Variants in PPP4R1 observed in about 807,000 individuals in gnomAD.
PPP4R1 encodes serine/threonine-protein phosphatase 4 regulatory subunit 1.
A neutral mutation model predicts 111.2 loss-of-function variants in PPP4R1; 42 were observed. That is an observed-to-expected ratio of 0.38 (90% CI 0.29 to 0.49). PPP4R1 has a LOEUF of 0.49. PPP4R1 is among the 20% of genes least tolerant of loss of function. The pLI is 0.97. For synonymous variants in PPP4R1, 409 were observed against 405.5 expected (o/e 1.01, Z -0.10); for missense variants, 1,012 against 1,161.6 (o/e 0.87, Z 1.87).
rs1405944395 is a variant in PPP4R1 at position 9,595,004 on chromosome 18, G to T, written c.188+14C>A. 1 of 1,611,094 alleles carries T rather than the reference G, an allele frequency of 6.2e-7. No individual in the cohort carries two copies. The highest frequency in any genetic ancestry group is 8.5e-7 in the Non-Finnish European group (1 of 1,178,680). Reference sequence around the variant, plus strand: ...CCTTCCACTTCCACTTTAACAAAAAGAATATGCACATACCTGTTAAATATG... The same window carrying T: ...CCTTCCACTTCCACTTTAACAAAAATAATATGCACATACCTGTTAAATATG... On this transcript the variant is annotated intron_variant, in intron 3 of 19. Transcript: ENST00000400556.
chr18:9,582,866 C>A (rs2067052755), intron 9 of PPP4R1, among the ~76,000 whole-genome samples: 1 of 152,102 alleles, frequency 6.6e-6, no homozygotes, highest in South Asian at 2.1e-4. Context: ...GGTTTAACAT[C>A]TAAAAATTAA....
Position 9,614,331 on chromosome 18 carries a change from C to T in PPP4R1, c.8-61G>A, listed in dbSNP as rs939042907. On this transcript the variant is annotated intron_variant, in intron 1 of 19. Coordinates refer to ENST00000400556, the MANE Select transcript of PPP4R1 (RefSeq NM_001042388.3). This position sits in a 1 kb window ranked among gnomAD's most constrained non-coding sequence, Gnocchi z 4.1. ...GCCCCGGGGCCCGGCGCGACGCCCCCCCCCCGCCCGCCTCCCCCCCGCCCC... is the reference window on the plus strand; with the variant it reads ...GCCCCGGGGCCCGGCGCGACGCCCCTCCCCCGCCCGCCTCCCCCCCGCCCC... 4 of 1,105,328 alleles carry T rather than the reference C, an allele frequency of 3.6e-6. No homozygotes were observed. Among genetic ancestry groups the T allele is most frequent in the South Asian group, 4.0e-5 (1 of 25,038 alleles). 68.5% of individuals were successfully genotyped at this position (1,105,328 alleles called of 1,614,324 possible). A position where few individuals can be genotyped will look rare whatever the true frequency, so the allele number is the denominator to read the frequency against.
intron 2 of PPP4R1, among the ~76,000 whole-genome samples, chr18:9,607,360 C>CAAA (rs34996836): frequency 7.2e-6 from 1 of 138,986 alleles, no homozygotes; most frequent in Non-Finnish European, 1.6e-5. Flanking sequence ...GACCCTGTCT[C>CAAA]AAAAAAAAAA....
Position 9,570,332 on chromosome 18 carries a change from T to C in PPP4R1, c.1398A>G (p.Ile466Met), listed in dbSNP as rs768007492. 4 of 1,611,478 alleles carry C rather than the reference T, an allele frequency of 2.5e-6. No homozygotes were observed. In the South Asian group the frequency reaches 4.4e-5, roughly 18 times the overall value. The change falls in exon 11 of 20, where the codon ATA (isoleucine) becomes ATG (methionine). Residue 466 changes from isoleucine (I) to methionine (M), a missense_variant. Ile to Met is a conservative substitution (Grantham distance 10, BLOSUM62 1). Transcript: ENST00000400556. Reference protein sequence around the residue: ...FHFWRTPLPEIDLDIELEQNS... With the variant: ...FHFWRTPLPEMDLDIELEQNS... ...TCTGTTCAAGCTCTATGTCTAGATC[T>C]ATTTCAGGAAGAGGAGTCCTCCAGA...
intron 12 of PPP4R1, 56 bp downstream of exon 12, chr18:9,563,322 A>G: frequency 2.7e-6 from 4 of 1,488,786 alleles, no homozygotes; most frequent in Non-Finnish European, 2.7e-6. Context: ...TTCCCCAATG[A>G]AAGACTTCTG....
At chr18:9,581,600 T>C (rs940858730) in intron 9 of PPP4R1, among the ~76,000 whole-genome samples, 4 of 152,032 alleles carry the variant, frequency 2.6e-5, no homozygotes, top group African/African-American at 9.7e-5. Flanking sequence ...TTAAGCACAT[T>C]TAACATATAC....
At position 9,614,076 on chromosome 18, in the gene PPP4R1, T is replaced by C. The variant is rs1368788868; in HGVS notation, c.52+150A>G. The C allele has an allele frequency of 2.7e-4, 157 of 574,512 alleles. No individual in the cohort carries two copies. Among genetic ancestry groups the C allele is most frequent in the Non-Finnish European group, 2.5e-4 (104 of 410,424 alleles). The allele number at this position is 574,512 out of a possible 1,614,324, so 35.6% of individuals were successfully genotyped here. A position where few individuals can be genotyped will look rare whatever the true frequency, so the allele number is the denominator to read the frequency against. On this transcript the variant is annotated intron_variant, in intron 2 of 19. Transcript: ENST00000400556. The surrounding 1 kb of genome is among the most constrained non-coding windows in gnomAD (Gnocchi z 4.1). ...CCGTTTCCTCACGGACGCGAGATTT[T>C]CCCCCCCGATCGCCACCCCAGCCCG...
chr18:9,602,775 C>CCT (rs2067411641), intron 2 of PPP4R1, among the ~76,000 whole-genome samples: 1 of 147,496 alleles, frequency 6.8e-6, no homozygotes, highest in Non-Finnish European at 1.5e-5. Context: ...GAGCTGAAAT[C>CCT]GCGCCACTGC....
chr18:9,548,968 C>T (rs7234274), intron 19 of PPP4R1, among the ~76,000 whole-genome samples: 13,501 of 152,316 alleles, frequency 0.089, 687 homozygotes, highest in Non-Finnish European at 0.12. Context: ...AAAAATGATA[C>T]ATGCTTCCGA....
intron 10 of PPP4R1, among the ~76,000 whole-genome samples, chr18:9,571,099 A>G (rs1459385746): frequency 6.6e-6 from 1 of 152,228 alleles, no homozygotes; most frequent in African/African-American, 2.4e-5. Flanking sequence ...TACTCCAACG[A>G]CATATTGCAA....
rs900056554 is a variant in PPP4R1 at position 9,593,889 on chromosome 18, C to A, written c.189-15G>T. On this transcript the variant is annotated splice_polypyrimidine_tract_variant and intron_variant, in intron 3 of 19. Transcript: ENST00000400556. The stretch of plus-strand genomic sequence containing the variant: ...CCACCATTTGTCTACACAAAAAAAA[C>A]AAAATTATGTATGTTCAATGGCATC... 1.3e-6 allele frequency: 2 copies of A among 1,586,446 alleles called. No individual in the cohort carries two copies. The highest frequency in any genetic ancestry group is 1.7e-6 in the Non-Finnish European group (2 of 1,156,600).
chr18:9,547,843 A>G lies in PPP4R1; in HGVS notation c.2799T>C (p.Pro933=). 6.2e-7 allele frequency: 1 copy of G among 1,613,634 alleles called. No homozygotes were observed. The highest frequency in any genetic ancestry group is 1.3e-5 in the African/African-American group (1 of 75,022). ...SDVKYFASIH[P]ASTKISEDAM... ...CATCTTCGGAGATTTTGGTACTGGCAGGGTGGATGCTTGCAAAATACTTGA... is the reference window on the plus strand; with the variant it reads ...CATCTTCGGAGATTTTGGTACTGGCGGGGTGGATGCTTGCAAAATACTTGA... The change falls in exon 20 of 20, where the codon CCT becomes CCC. Residue 933 remains proline (P), a synonymous_variant. Coordinates refer to ENST00000400556, the MANE Select transcript of PPP4R1 (RefSeq NM_001042388.3).
intron 15 of PPP4R1, among the ~76,000 whole-genome samples, chr18:9,556,092 C>T (rs190874344): frequency 0.029 from 4,344 of 150,958 alleles, 72 homozygotes; most frequent in Middle Eastern, 0.038. Context: ...ACCTGGGAGG[C>T]GGAGGTTGCA....
chr18:9,600,196 CA>C (rs57840721), intron 2 of PPP4R1, among the ~76,000 whole-genome samples: 1,827 of 108,912 alleles, frequency 0.017, 13 homozygotes, highest in Admixed American at 0.022. Context: ...TTCTATTTCC[CA>C]AAAAAAAAAA....
At position 9,588,216 on chromosome 18, in the gene PPP4R1, G is replaced by A. The variant is rs750226179; in HGVS notation, c.458C>T (p.Ala153Val). Residue 153 changes from alanine to valine, a missense_variant, in exon 6 of 20, where the codon GCA (alanine) becomes GTA (valine). Ala to Val is a moderately conservative substitution (Grantham distance 64, BLOSUM62 0). Transcript: ENST00000400556. ...CTGCTCCAACAGAGCCAGCAAAGCTGCCTGACTTGTTTTCCTCACCTAGGA... is the reference window on the plus strand; with the variant it reads ...CTGCTCCAACAGAGCCAGCAAAGCTACCTGACTTGTTTTCCTCACCTAGGA... ...QNNQVRKTSQAALLALLEQEL... is the reference protein window; with the variant it reads ...QNNQVRKTSQVALLALLEQEL... The A allele has an allele frequency of 1.7e-5, 28 of 1,613,914 alleles. No individual in the cohort carries two copies. Among genetic ancestry groups the A allele is most frequent in the Non-Finnish European group, 2.4e-5 (28 of 1,179,898 alleles).
chr18:9,588,743 CA>C lies in PPP4R1; in HGVS notation c.405del (p.Ile135MetfsTer13), dbSNP rs2067161775. ...PYAFSKFLLP[I>X]VVRYLADQNN... ...TTCTGATCTGCAAGGTATCTAACCA[CA>C]ATAGGTAGTAAGAATTTTGAAAAAG... On this transcript the variant is annotated frameshift_variant, in exon 5 of 20. Transcript: ENST00000400556. LOFTEE classifies it high-confidence loss of function. The C allele has an allele frequency of 6.2e-7, 1 of 1,613,068 alleles. No homozygotes were observed. The highest frequency in any genetic ancestry group is 1.3e-5 in the African/African-American group (1 of 74,884).
chr18:9,593,823 A>AT lies in PPP4R1; in HGVS notation c.239dup (p.Asp80GlufsTer2). On this transcript the variant is annotated frameshift_variant, in exon 4 of 20. Transcript: ENST00000400556. LOFTEE classifies it high-confidence loss of function. ...CCAAAACAGCAATACAATCTCTTTCATCATCGCAGACTTCCCTCAAGGTAT... is the reference window on the plus strand; with the variant it reads ...CCAAAACAGCAATACAATCTCTTTCATTCATCGCAGACTTCCCTCAAGGTAT... The AT allele has an allele frequency of 6.2e-7, 1 of 1,613,896 alleles. No homozygotes were observed. Among genetic ancestry groups the AT allele is most frequent in the Non-Finnish European group, 8.5e-7 (1 of 1,179,928 alleles).
chr18:9,588,004 ACCGTGCCTAACC>A, intron 6 of PPP4R1, 73 bp downstream of exon 6: 1 of 1,507,540 alleles, frequency 6.6e-7, no homozygotes, highest in Non-Finnish European at 9.0e-7. Flanking sequence ...GGCATGAGCC[ACCGTGCCTAACC>A]CCGGCCTGAC....
At chr18:9,557,790 C>A (rs1450436472) in intron 14 of PPP4R1, among the ~76,000 whole-genome samples, 1 of 150,982 alleles carries the variant, frequency 6.6e-6, no homozygotes, top group Non-Finnish European at 1.5e-5. Context: ...TGTTATTACT[C>A]CTAAGCTCTT....
Sources: allele counts gnomAD v4.1 joint callset (sites outside exome capture counted in the v4.1 genomes callset), GRCh38; gene constraint gnomAD v4.1.1; non-coding constraint Gnocchi (gnomAD v3.1); transcripts MANE v1.5; gene names NCBI Gene and HGNC (gene_info 2026-07-23, HGNC 2026-07-21).